Variants in FKBP9 observed in about 807,000 individuals in gnomAD.
FKBP9 encodes peptidyl-prolyl cis-trans isomerase FKBP9.
Under a neutral mutation model 55.6 loss-of-function variants are expected in FKBP9, and 27 were observed. The ratio of observed to expected loss-of-function variants is 0.49; its 90% CI spans 0.36 to 0.67. FKBP9 has a LOEUF of 0.67. Among genes scored for constraint, FKBP9 ranks in the 30% least tolerant of loss-of-function variants. The probability of loss-of-function intolerance (pLI) is 0.00; values close to 1 mark genes in which losing one functional copy is unlikely to be tolerated. For synonymous variants in FKBP9, 267 were observed against 296.5 expected (o/e 0.90, Z 1.02); for missense variants, 539 against 742.8 (o/e 0.73, Z 3.19).
intron 7 of FKBP9, among the ~76,000 whole-genome samples, chr7:32,996,669 C>G (rs1256847566): frequency 7.5e-6 from 1 of 133,880 alleles, no homozygotes; most frequent in East Asian, 2.2e-4. Flanking sequence ...TTGCTCCCTC[C>G]CTCCCTCCCT....
At chr7:32,987,969 A>C (rs1784608431) in intron 5 of FKBP9, among the ~76,000 whole-genome samples, 1 of 152,134 alleles carries the variant, frequency 6.6e-6, no homozygotes, top group Non-Finnish European at 1.5e-5. Context: ...CACTTGATCC[A>C]GGAGCTCAAG....
At chr7:32,975,131 T>A (rs1432955371) in intron 2 of FKBP9, 51 bp from the exon 3 acceptor site, 1 of 1,476,696 alleles carries the variant, frequency 6.8e-7, no homozygotes, top group Non-Finnish European at 9.4e-7. Context: ...TTTATTTATC[T>A]GGCCTGAAAG....
intron 9 of FKBP9, 48 bp from the exon 10 acceptor site, chr7:33,005,127 G>A (rs376397595): frequency 9.3e-5 from 149 of 1,593,586 alleles, no homozygotes; most frequent in Admixed American, 7.0e-4. Context: ...CAGGCCTGGC[G>A]TTCATGGCGG....
At chr7:32,999,657 CAG>C (rs748449413) in intron 7 of FKBP9, among the ~76,000 whole-genome samples, 18 of 152,124 alleles carry the variant, frequency 1.2e-4, no homozygotes, top group Non-Finnish European at 2.9e-5. Flanking sequence ...GATAAAGTAA[CAG>C]AGATTACATT....
chr7:33,002,096 GA>G (rs1381918966), intron 8 of FKBP9: 1 of 151,628 alleles, frequency 6.6e-6, no homozygotes, highest in Non-Finnish European at 1.5e-5. Context: ...CAAGTTTCAT[GA>G]CACAATACCT....
chr7:32,988,342 T>C (rs551480626), intron 5 of FKBP9, among the ~76,000 whole-genome samples, 165 bp from the exon 6 acceptor site: 2 of 152,320 alleles, frequency 1.3e-5, no homozygotes, highest in Admixed American at 1.3e-4. Flanking sequence ...TTATTTACCC[T>C]TCCAGGGGAG....
chr7:32,957,719 G>T lies in FKBP9; in HGVS notation c.146G>T (p.Arg49Leu). 2 of 1,529,234 alleles carry T rather than the reference G, an allele frequency of 1.3e-6. No homozygotes were observed. Among genetic ancestry groups the T allele is most frequent in the Non-Finnish European group, 1.7e-6 (2 of 1,144,046 alleles). The allele number at this position is 1,529,234 out of a possible 1,614,324, so 94.7% of individuals were successfully genotyped here. A position where few individuals can be genotyped will look rare whatever the true frequency, so the allele number is the denominator to read the frequency against. The part of the protein sequence containing the change: ...ERRFVPDECP[R>L]TVRSGDFVRY... ...CGCTTCGTGCCCGACGAGTGCCCGC[G>T]CACCGTGCGCAGCGGCGACTTCGTG... Residue 49 changes from arginine to leucine, a missense_variant, in exon 1 of 10, where the codon CGC (arginine) becomes CTC (leucine). This residue lies in a region of FKBP9 where 236 missense variants were observed against 271.5 expected (regional missense o/e 0.87). Coordinates refer to ENST00000242209, the MANE Select transcript of FKBP9 (RefSeq NM_007270.5).
chr7:32,974,718 T>G lies in FKBP9; in HGVS notation c.323T>G (p.Phe108Cys). 1 of 1,613,952 alleles carries G rather than the reference T, an allele frequency of 6.2e-7. No homozygotes were observed. Among genetic ancestry groups the G allele is most frequent in the Admixed American group, 1.7e-5 (1 of 60,008 alleles). The change falls in exon 2 of 10, where the codon TTC becomes TGC. Residue 108 changes from phenylalanine to cysteine, a missense_variant. This residue lies in a region of FKBP9 where 236 missense variants were observed against 271.5 expected (regional missense o/e 0.87). Transcript: ENST00000242209. ...LVGMCVNERR[F>C]VKIPPKLAYG... ...GGGATGTGCGTAAACGAGAGACGTT[T>G]CGTGAAGATTCCCCCAAAGCTTGCC...
chr7:33,000,410 T>C, intron 8 of FKBP9, 150 bp downstream of exon 8: 2 of 1,240,232 alleles, frequency 1.6e-6, no homozygotes, highest in Admixed American at 5.7e-5. Flanking sequence ...AATTATTTAG[T>C]ATTTTTGTTT....
chr7:32,970,132 C>G (rs1292545423), intron 1 of FKBP9, among the ~76,000 whole-genome samples: 1 of 151,862 alleles, frequency 6.6e-6, no homozygotes, highest in Non-Finnish European at 1.5e-5. Flanking sequence ...GACATCTTAG[C>G]CATATTAAGT....
At chr7:32,960,108 CTTT>C (rs398004304) in intron 1 of FKBP9, among the ~76,000 whole-genome samples, 30 of 98,626 alleles carry the variant, frequency 3.0e-4, no homozygotes, top group African/African-American at 1.2e-3. Flanking sequence ...TTGTACTTGT[CTTT>C]TTTTTTTTTT....
chr7:32,977,178 G>C (rs1440954028), intron 4 of FKBP9, among the ~76,000 whole-genome samples: 1 of 152,186 alleles, frequency 6.6e-6, no homozygotes, highest in Non-Finnish European at 1.5e-5. Flanking sequence ...CTGATAAATG[G>C]AATGTCTCAG....
At position 32,996,342 on chromosome 7, in the gene FKBP9, G is replaced by A. The variant is rs761660490; in HGVS notation, c.1219G>A (p.Asp407Asn). 3.1e-6 allele frequency: 5 copies of A among 1,612,464 alleles called. No homozygotes were observed. Among genetic ancestry groups the A allele is most frequent in the Middle Eastern group, 3.3e-4 (2 of 6,076 alleles). Residue 407 changes from aspartate (D) to asparagine (N), a missense_variant, in exon 7 of 10, where the codon GAC (aspartate) becomes AAC (asparagine). Physicochemically the swap from Asp to Asn is conservative, Grantham distance 23. Around this residue, in one of 4 missense-constraint regions of FKBP9, gnomAD observed 172 missense variants for 205.3 expected, o/e 0.84. Coordinates refer to ENST00000242209, the MANE Select transcript of FKBP9 (RefSeq NM_007270.5). ...NASLLDGTLLDSTWNLGKTYN... is the reference protein window; with the variant it reads ...NASLLDGTLLNSTWNLGKTYN... ...CTCACTTCTGGATGGGACCCTGCTG[G>A]ACTCCACGTAAGGGCAACCAGAATG... is the stretch of plus-strand genomic sequence containing the variant.
chr7:32,974,107 G>A (rs1241803129), intron 1 of FKBP9, among the ~76,000 whole-genome samples: 3 of 151,452 alleles, frequency 2.0e-5, no homozygotes, highest in East Asian at 1.9e-4. Context: ...GGGCTCAAGC[G>A]ATCCTCCTAC....
chr7:32,992,593 T>C (rs1234694747), intron 6 of FKBP9: 2 of 180,178 alleles, frequency 1.1e-5, no homozygotes, highest in African/African-American at 2.4e-5. Flanking sequence ...TCAGCACTCA[T>C]TTCTATACTT....
chr7:32,975,652 C>CTTT (rs55749052), intron 3 of FKBP9, among the ~76,000 whole-genome samples: 1 of 146,394 alleles, frequency 6.8e-6, no homozygotes. Context: ...CTATTTCTTT[C>CTTT]TTTTTTTTTT....
chr7:32,980,442 C>T lies in FKBP9; in HGVS notation c.782C>T (p.Ser261Phe). 2 of 1,613,758 alleles carry T rather than the reference C, an allele frequency of 1.2e-6. No individual in the cohort carries two copies. Among genetic ancestry groups the T allele is most frequent in the Non-Finnish European group, 1.7e-6 (2 of 1,179,850 alleles). The change falls in exon 5 of 10, where the codon TCC becomes TTC. Residue 261 changes from serine to phenylalanine, a missense_variant. Physicochemically the swap from Ser to Phe is radical, Grantham distance 155. Coordinates refer to ENST00000242209, the MANE Select transcript of FKBP9 (RefSeq NM_007270.5). ...CTCCATAACCCCAAGGACAGCATTTCCATTGAGAACAAGGTAGTACCTGAA... is the reference window on the plus strand; with the variant it reads ...CTCCATAACCCCAAGGACAGCATTTTCATTGAGAACAAGGTAGTACCTGAA... ...LDLHNPKDSI[S>F]IENKVVPENC...
intron 1 of FKBP9, among the ~76,000 whole-genome samples, chr7:32,970,662 T>A (rs2392175): frequency 0.77 from 104,288 of 136,170 alleles, 40,365 homozygotes; most frequent in South Asian, 0.85. Flanking sequence ...TAGAAATGCA[T>A]CTGATTTTGG....
intron 1 of FKBP9, among the ~76,000 whole-genome samples, chr7:32,972,805 C>T (rs545367552): frequency 6.6e-6 from 1 of 152,312 alleles, no homozygotes; most frequent in East Asian, 1.9e-4. Context: ...TCACTGCAAC[C>T]TTCACCTCCC....
Sources: gnomAD v4.1 joint callset for allele counts (sites outside exome capture counted in the v4.1 genomes callset) on GRCh38, gnomAD v4.1.1 for gene constraint, gnomAD v4.1.1 regional missense constraint, MANE v1.5 for transcripts, NCBI Gene and HGNC (gene_info 2026-07-23, HGNC 2026-07-21) for gene names.